MAD1L1: variants seen among roughly 807,000 people sequenced by gnomAD.
MAD1L1 encodes mitotic arrest deficient 1 like 1.
A neutral mutation model predicts 96.9 loss-of-function variants in MAD1L1; 95 were observed. The ratio of observed to expected loss-of-function variants is 0.98; its 90% CI spans 0.83 to 1.16. The LOEUF (loss-of-function observed/expected upper bound fraction) is 1.16, where lower values mean the gene tolerates loss of function less well. Ranked by LOEUF, MAD1L1 falls within the 50% of genes most tolerant of loss-of-function variation. The pLI, the probability that MAD1L1 is intolerant of heterozygous loss-of-function variation, is 0.00. For synonymous variants in MAD1L1, 473 were observed against 396.6 expected (o/e 1.19, Z -2.29); for missense variants, 1,007 against 954.4 (o/e 1.06, Z -0.73).
intron 10 of MAD1L1, among the ~76,000 whole-genome samples, chr7:2,162,603 C>A (rs79551933): frequency 0.055 from 6,131 of 111,674 alleles, 461 homozygotes; most frequent in African/African-American, 0.23. Context: ...AAAAAAAAAA[C>A]AAACAAAAAA....
chr7:1,879,756 A>T (rs192628875), intron 18 of MAD1L1, among the ~76,000 whole-genome samples: 1 of 152,148 alleles, frequency 6.6e-6, no homozygotes, highest in Non-Finnish European at 1.5e-5. Context: ...TTTGAGACGG[A>T]GTCTCACTCT....
intron 12 of MAD1L1, among the ~76,000 whole-genome samples, chr7:2,033,732 C>T (rs1157539088): frequency 1.3e-5 from 2 of 152,252 alleles, no homozygotes; most frequent in Admixed American, 6.5e-5. Flanking sequence ...ACAGCAGTCA[C>T]GGGCGCTTCT....
In MAD1L1 at chr7:2,069,337, C is replaced by A. The variant is rs201607279; in HGVS notation, c.1075G>T (p.Ala359Ser). ...TGCCTGGCCTTCTCCAGCCCCCGGG[C>A]GCTGCATGGGAGAGACAAGAGGGCA... ...KDKNSAVTSS[A>S]RGLEKARQQL... Residue 359 changes from alanine (A) to serine (S), a missense_variant and splice_region_variant, in exon 12 of 19, where the codon GCC (alanine) becomes TCC (serine). By Grantham distance (99) the Ala-to-Ser change is moderately conservative (BLOSUM62 1). Coordinates refer to ENST00000265854, the MANE Select transcript of MAD1L1 (RefSeq NM_001013836.2). The A allele has an allele frequency of 1.9e-4, 302 of 1,592,926 alleles. No individual in the cohort carries two copies. The highest frequency in any genetic ancestry group is 2.5e-4 in the Non-Finnish European group (291 of 1,173,574).
intron 18 of MAD1L1, among the ~76,000 whole-genome samples, chr7:1,862,592 G>A (rs1214084627): frequency 6.6e-6 from 1 of 152,378 alleles, no homozygotes; most frequent in East Asian, 1.9e-4. Flanking sequence ...GATCCACTCA[G>A]GGGGCATTGC....
chr7:1,955,078 C>A (rs1427847779), intron 16 of MAD1L1, among the ~76,000 whole-genome samples: 1 of 152,208 alleles, frequency 6.6e-6, no homozygotes, highest in Non-Finnish European at 1.5e-5. Context: ...CACTCGCGCC[C>A]AGCTCTAAGG....
chr7:2,046,979 T>C (rs1019754949), intron 12 of MAD1L1, among the ~76,000 whole-genome samples: 4 of 152,150 alleles, frequency 2.6e-5, no homozygotes, highest in Non-Finnish European at 5.9e-5. Flanking sequence ...CAAAGGAAAC[T>C]GGAGGATCAG....
intron 11 of MAD1L1, among the ~76,000 whole-genome samples, chr7:2,099,599 TGAGCGCATCGGGCTGGGAGACAGCC>T (rs55752133): frequency 0.19 from 29,048 of 152,158 alleles, 3,066 homozygotes; most frequent in Middle Eastern, 0.33. Flanking sequence ...TGGACGGAAG[TGAGCGCATCGGGCTGGGAGACAGCC>T]GAATCTCAGA....
Position 2,225,553 on chromosome 7 carries a change from G to C in MAD1L1, c.151-3C>G. ...ATCTGCTCTGCTCTTTCCTCCAGCT[G>C]AGCAGGTCGCACCCAAAGAAAAACA... On this transcript the variant is annotated splice_polypyrimidine_tract_variant and splice_region_variant and intron_variant, in intron 3 of 18. Transcript: ENST00000265854. The C allele has an allele frequency of 1.2e-6, 2 of 1,613,106 alleles. No individual in the cohort carries two copies. The highest frequency in any genetic ancestry group is 1.6e-4 in the Middle Eastern group (1 of 6,062).
intron 18 of MAD1L1, among the ~76,000 whole-genome samples, chr7:1,888,626 G>T (rs1344201645): frequency 6.6e-6 from 1 of 152,094 alleles, no homozygotes; most frequent in Non-Finnish European, 1.5e-5. Context: ...GAGCATGCAT[G>T]CGTGCATGTG....
intron 11 of MAD1L1, among the ~76,000 whole-genome samples, chr7:2,091,128 C>T (rs970875747): frequency 1.3e-5 from 2 of 152,352 alleles, no homozygotes; most frequent in Admixed American, 6.5e-5. Context: ...CCCATCCACA[C>T]GCCCCATCCT....
In MAD1L1 at chr7:2,146,038, C is replaced by T. The variant is rs554708103; in HGVS notation, c.1073+3114G>A. Among the ~76,000 whole-genome samples, 1 of 152,228 alleles carries T rather than the reference C, an allele frequency of 6.6e-6. No individual in the cohort carries two copies. Among genetic ancestry groups the T allele is most frequent in the Non-Finnish European group, 1.5e-5 (1 of 68,034 alleles). ...AAAGTTACACAACACCCAGGAAGTG[C>T]ATCAAGACTGCGTGGTGTAGGCTGC... On this transcript the variant is annotated intron_variant, in intron 11 of 18. Transcript: ENST00000265854. This position sits in a 1 kb window ranked among gnomAD's most constrained non-coding sequence, Gnocchi z 6.2.
chr7:1,842,356 G>A (rs1783315362), intron 18 of MAD1L1, among the ~76,000 whole-genome samples: 1 of 152,238 alleles, frequency 6.6e-6, no homozygotes, highest in African/African-American at 2.4e-5. Context: ...TGCGGCTCCG[G>A]CCCTGGAGGC....
chr7:2,185,647 T>C (rs1040290488), intron 10 of MAD1L1, among the ~76,000 whole-genome samples: 3 of 152,230 alleles, frequency 2.0e-5, no homozygotes, highest in Non-Finnish European at 4.4e-5. Context: ...TTTTCCTTTT[T>C]TTAATGCTTC....
At chr7:1,888,673 T>G (rs1049069595) in intron 18 of MAD1L1, among the ~76,000 whole-genome samples, 13 of 151,640 alleles carry the variant, frequency 8.6e-5, no homozygotes, top group Middle Eastern at 6.8e-3. Flanking sequence ...TATGTGGCTG[T>G]CTGTGCATGT....
intron 18 of MAD1L1, among the ~76,000 whole-genome samples, chr7:1,880,518 C>T (rs1240076858): frequency 3.9e-5 from 6 of 152,164 alleles, no homozygotes; most frequent in Non-Finnish European, 7.4e-5. Flanking sequence ...CCTCCTTGAG[C>T]CTCCTGGCCT....
chr7:2,004,061 G>A (rs1781921904), intron 13 of MAD1L1, among the ~76,000 whole-genome samples: 2 of 152,176 alleles, frequency 1.3e-5, no homozygotes, highest in Non-Finnish European at 2.9e-5. Flanking sequence ...GGCACCCCAT[G>A]CCCCTGGGCA....
intron 5 of MAD1L1, among the ~76,000 whole-genome samples, chr7:2,221,739 A>G (rs1793620069): frequency 6.6e-6 from 1 of 152,228 alleles, no homozygotes; most frequent in African/African-American, 2.4e-5. Context: ...GCAGACAGTC[A>G]AAGATATGCA....
intron 12 of MAD1L1, among the ~76,000 whole-genome samples, chr7:2,029,217 A>T (rs1349057264): frequency 6.6e-6 from 1 of 152,240 alleles, no homozygotes; most frequent in Non-Finnish European, 1.5e-5. Context: ...CAAGAAATAA[A>T]GAAATTCAAA....
intron 17 of MAD1L1, among the ~76,000 whole-genome samples, chr7:1,906,142 CT>C (rs964415137): frequency 6.6e-6 from 1 of 152,132 alleles, no homozygotes; most frequent in African/African-American, 2.4e-5. Context: ...AGACCAGCCC[CT>C]GCACAGCTGA....
Sources: allele counts gnomAD v4.1 joint callset (sites outside exome capture counted in the v4.1 genomes callset), GRCh38; gene constraint gnomAD v4.1.1; non-coding constraint Gnocchi (gnomAD v3.1); transcripts MANE v1.5; gene names NCBI Gene and HGNC (gene_info 2026-07-23, HGNC 2026-07-21).